The following OSBPL8 variants were observed in gnomAD, a reference collection of about 807,000 sequenced individuals.
The protein encoded by OSBPL8 is oxysterol binding protein like 8.
In OSBPL8, 59 loss-of-function variants were observed where a neutral mutation model predicts 125.5. The observed-to-expected ratio is 0.47, with a 90% CI of 0.38 to 0.58. The LOEUF (loss-of-function observed/expected upper bound fraction) is 0.58. OSBPL8 is among the 20% of genes least tolerant of loss of function. The pLI, the probability that OSBPL8 is intolerant of heterozygous loss-of-function variation, is 0.00. For synonymous variants in OSBPL8, 330 were observed against 338.9 expected (o/e 0.97, Z 0.29); for missense variants, 758 against 1,047.8 (o/e 0.72, Z 3.82).
chr12:76,456,082 C>T (rs968312008), intron 3 of OSBPL8, among the ~76,000 whole-genome samples: 2 of 152,116 alleles, frequency 1.3e-5, no homozygotes, highest in African/African-American at 2.4e-5. Context: ...AACATTTTTA[C>T]CTTCTGAATT....
chr12:76,539,620 CCAAA>C (rs1167264196), intron 1 of OSBPL8, among the ~76,000 whole-genome samples: 1 of 152,118 alleles, frequency 6.6e-6, no homozygotes, highest in Non-Finnish European at 1.5e-5. Context: ...ACACCTTTAC[CCAAA>C]CACTCTTCAA....
At chr12:76,429,030 T>C (rs1425470628) in intron 4 of OSBPL8, among the ~76,000 whole-genome samples, 1 of 152,132 alleles carries the variant, frequency 6.6e-6, no homozygotes, top group Non-Finnish European at 1.5e-5. Context: ...CTAATCTTAC[T>C]AATAATTACA....
Position 76,473,477 on chromosome 12 carries a change from T to C in OSBPL8, c.43-13582A>G, listed in dbSNP as rs140475566. Among the ~76,000 whole-genome samples the C allele has an allele frequency of 3.0e-4, 45 of 152,288 alleles. No individual in the cohort carries two copies. In the East Asian group the frequency reaches 6.4e-3, roughly 22 times the overall value. On this transcript the variant is annotated intron_variant, in intron 2 of 23. Transcript: ENST00000261183. ...CCTCTATTTCTATGGTTTTCAACCT[T>C]AGATGCACATTGAAATCAACTAAGG...
intron 2 of OSBPL8, among the ~76,000 whole-genome samples, chr12:76,465,128 G>A (rs1024591533): frequency 1.3e-5 from 2 of 152,062 alleles, no homozygotes; most frequent in African/African-American, 2.4e-5. Context: ...TATTTGTCTC[G>A]GAACTACAGC....
intron 21 of OSBPL8, among the ~76,000 whole-genome samples, chr12:76,363,086 C>T (rs768002640): frequency 2.0e-5 from 3 of 152,168 alleles, no homozygotes; most frequent in Non-Finnish European, 4.4e-5. Context: ...GAATCAATAT[C>T]GTGAAAATGG....
intron 4 of OSBPL8, among the ~76,000 whole-genome samples, chr12:76,446,911 T>C (rs550954303): frequency 9.9e-5 from 15 of 152,272 alleles, no homozygotes; most frequent in Admixed American, 2.0e-4. Context: ...CCACTGGAAG[T>C]AGACTTCACA....
intron 4 of OSBPL8, among the ~76,000 whole-genome samples, chr12:76,414,089 A>C (rs1013389928): frequency 1.3e-5 from 2 of 152,206 alleles, no homozygotes; most frequent in African/African-American, 4.8e-5. Context: ...ATTTGAGTAC[A>C]GTGTGATATA....
chr12:76,391,544 A>G (rs370835837), intron 10 of OSBPL8, among the ~76,000 whole-genome samples: 2 of 152,168 alleles, frequency 1.3e-5, no homozygotes, highest in East Asian at 3.8e-4. Flanking sequence ...GGAAAAAAGA[A>G]AAGAAAAAAA....
chr12:76,445,228 AAAGT>A (rs1241697875), intron 4 of OSBPL8, among the ~76,000 whole-genome samples: 1 of 152,190 alleles, frequency 6.6e-6, no homozygotes, highest in Non-Finnish European at 1.5e-5. Context: ...CAAGATGGTA[AAAGT>A]AAGAATAAAA....
chr12:76,486,495 A>G (rs1878147475), intron 2 of OSBPL8, among the ~76,000 whole-genome samples: 1 of 152,236 alleles, frequency 6.6e-6, no homozygotes, highest in South Asian at 2.1e-4. Context: ...AAGAGTCTAT[A>G]CATCAATATA....
chr12:76,357,645 G>A (rs1952035198), intron 22 of OSBPL8, among the ~76,000 whole-genome samples: 1 of 152,144 alleles, frequency 6.6e-6, no homozygotes, highest in Admixed American at 6.6e-5. Context: ...TCCAAGCCTA[G>A]ATTGCTATAA....
In OSBPL8 at chr12:76,402,502, A is replaced by G. The variant is rs537079967; in HGVS notation, c.366+187T>C. ...TCTGCTCTGTGACAGTCATCAATCAATCTTATCAGTTGACCACAGTGTACC... is the reference window on the plus strand; with the variant it reads ...TCTGCTCTGTGACAGTCATCAATCAGTCTTATCAGTTGACCACAGTGTACC... On this transcript the variant is annotated intron_variant, in intron 6 of 23. Transcript: ENST00000261183. 5.3e-5 allele frequency among the ~76,000 whole-genome samples: 8 copies of G among 152,282 alleles called. No homozygotes were observed. In the East Asian group the frequency reaches 1.5e-3, roughly 29 times the overall value.
At chr12:76,460,354 C>T (rs1230683235) in intron 2 of OSBPL8, among the ~76,000 whole-genome samples, 2 of 152,130 alleles carry the variant, frequency 1.3e-5, no homozygotes, top group Non-Finnish European at 2.9e-5. Context: ...CATGAAAGCA[C>T]GTAACACTAC....
Position 76,369,824 on chromosome 12 carries a change from T to TA in OSBPL8, c.2055-3dup. On this transcript the variant is annotated splice_polypyrimidine_tract_variant and splice_region_variant and intron_variant, in intron 19 of 23. Transcript: ENST00000261183. ...GCTCGAGTTACCCGTTGCCAGAGTC[T>TA]AATACATGTGCGAAAATATTAAAAG... 6.2e-7 allele frequency: 1 copy of TA among 1,600,688 alleles called. No individual in the cohort carries two copies. The highest frequency in any genetic ancestry group is 8.5e-7 in the Non-Finnish European group (1 of 1,174,664).
chr12:76,384,256 T>C lies in OSBPL8; in HGVS notation c.1628A>G (p.Tyr543Cys). The change falls in exon 15 of 24, where the codon TAT becomes TGT. Residue 543 changes from tyrosine (Y) to cysteine (C), a missense_variant and splice_region_variant. Transcript: ENST00000261183. ...CAAGTTGGGACGGGAAAACTCACCA[T>C]AAAACTTAGACTTAGCCAGGATACT... ...SGSILAKSKFYGNSLSAILEG... is the reference protein window; with the variant it reads ...SGSILAKSKFCGNSLSAILEG... 1 of 1,503,818 alleles carries C rather than the reference T, an allele frequency of 6.6e-7. No individual in the cohort carries two copies. Among genetic ancestry groups the C allele is most frequent in the Non-Finnish European group, 9.0e-7 (1 of 1,106,002 alleles). 93.2% of individuals were successfully genotyped at this position (1,503,818 alleles called of 1,614,324 possible).
At chr12:76,370,530 TC>T (rs1344428365) in intron 19 of OSBPL8, among the ~76,000 whole-genome samples, 2 of 152,336 alleles carry the variant, frequency 1.3e-5, no homozygotes, top group East Asian at 3.9e-4. Context: ...AGCTGCCACT[TC>T]TTAGCTGGTG....
intron 2 of OSBPL8, among the ~76,000 whole-genome samples, chr12:76,485,169 C>G (rs7965088): frequency 6.6e-6 from 1 of 151,962 alleles, no homozygotes; most frequent in Non-Finnish European, 1.5e-5. Flanking sequence ...GTGATCCACC[C>G]GCCTCAGCCT....
rs180804657 is a variant in OSBPL8 at position 76,471,460 on chromosome 12, T to C, written c.43-11565A>G. Among the ~76,000 whole-genome samples the C allele has an allele frequency of 2.1e-4, 32 of 152,330 alleles. No individual in the cohort carries two copies. In the East Asian group the frequency reaches 5.4e-3, roughly 26 times the overall value. On this transcript the variant is annotated intron_variant, in intron 2 of 23. Transcript: ENST00000261183. ...CTATATTCTCCTCCACTCCTAATAT[T>C]AAGTCCAGGACAAGGTCCTAAAGCT...
chr12:76,551,638 G>A (rs183553631), intron 1 of OSBPL8, among the ~76,000 whole-genome samples: 2 of 152,308 alleles, frequency 1.3e-5, no homozygotes, highest in East Asian at 3.9e-4. Flanking sequence ...CCCATGGATT[G>A]CCCTGGGGAT....
Sources: allele counts gnomAD v4.1 joint callset (sites outside exome capture counted in the v4.1 genomes callset), GRCh38; gene constraint gnomAD v4.1.1; transcripts MANE v1.5; gene names NCBI Gene and HGNC (gene_info 2026-07-23, HGNC 2026-07-21).